The following C8orf34 variants were observed in gnomAD, a reference collection of about 807,000 sequenced individuals.
The protein encoded by C8orf34 is uncharacterized protein C8orf34.
C8orf34 carries 65 observed loss-of-function variants against 68.3 expected under a neutral mutation model. That is an observed-to-expected ratio of 0.95 (90% CI 0.78 to 1.17). C8orf34 has a LOEUF of 1.17. Ranked by LOEUF, C8orf34 falls within the 50% of genes most tolerant of loss-of-function variation. C8orf34 has a pLI of 0.00. For missense variants in C8orf34, 664 were observed against 655.4 expected (o/e 1.01, Z -0.14); for synonymous variants, 244 against 241.2 (o/e 1.01, Z -0.11).
chr8:68,457,841 T>C (rs1023986737), intron 3 of C8orf34, among the ~76,000 whole-genome samples: 4 of 152,192 alleles, frequency 2.6e-5, no homozygotes, highest in Non-Finnish European at 5.9e-5. Flanking sequence ...TGTTCTTCTA[T>C]TTTTCATTTT....
intron 4 of C8orf34, among the ~76,000 whole-genome samples, chr8:68,483,200 G>A (rs977716931): frequency 2.3e-4 from 35 of 152,200 alleles, no homozygotes; most frequent in African/African-American, 7.7e-4. Flanking sequence ...CTCTTATTTC[G>A]CTTATAGGAG....
At chr8:68,806,688 A>G (rs1434877480) in intron 12 of C8orf34, among the ~76,000 whole-genome samples, 2 of 152,202 alleles carry the variant, frequency 1.3e-5, no homozygotes, top group Non-Finnish European at 2.9e-5. Flanking sequence ...TTGGATGAGC[A>G]AAGTGCTTCT....
Position 68,603,601 on chromosome 8 carries a change from A to T in C8orf34, c.1106-36775A>T, listed in dbSNP as rs372183712. On this transcript the variant is annotated intron_variant, in intron 7 of 13. Coordinates refer to ENST00000518698, the MANE Select transcript of C8orf34 (RefSeq NM_052958.4). ...TGATCTGCTTACTGGTACATACAGC[A>T]TTATGGCTGAATCTCAGAATATTAA... Among the ~76,000 whole-genome samples, 12 of 145,504 alleles carry T rather than the reference A, an allele frequency of 8.2e-5. No individual in the cohort carries two copies. The South Asian group carries it at 2.4e-3, about 29-fold the overall frequency.
intron 5 of C8orf34, among the ~76,000 whole-genome samples, chr8:68,518,867 C>T (rs547071179): frequency 3.0e-5 from 4 of 133,262 alleles, no homozygotes; most frequent in African/African-American, 1.2e-4. Flanking sequence ...ACACTCCAGC[C>T]TGGCGACAGA....
chr8:68,790,896 G>A (rs1823976491), intron 12 of C8orf34: 1 of 699,944 alleles, frequency 1.4e-6, no homozygotes, highest in South Asian at 1.5e-5. Context: ...TATTCTAAAA[G>A]TTGAGAACTA....
intron 10 of C8orf34, among the ~76,000 whole-genome samples, chr8:68,767,026 A>C (rs1005255627): frequency 2.0e-5 from 3 of 152,284 alleles, no homozygotes; most frequent in Admixed American, 6.5e-5. Flanking sequence ...TCTACTAAAA[A>C]TACCAAAAAT....
At chr8:68,350,731 T>C (rs1367640897) in intron 1 of C8orf34, among the ~76,000 whole-genome samples, 1 of 152,068 alleles carries the variant, frequency 6.6e-6, no homozygotes, top group Non-Finnish European at 1.5e-5. Context: ...GAAATCTGTT[T>C]TGTCTGAAAT....
intron 3 of C8orf34, among the ~76,000 whole-genome samples, chr8:68,461,784 G>A (rs1431551345): frequency 6.6e-6 from 1 of 152,150 alleles, no homozygotes; most frequent in Non-Finnish European, 1.5e-5. Context: ...AAGAGCTCCT[G>A]AAGGAAGCAC....
intron 10 of C8orf34, among the ~76,000 whole-genome samples, chr8:68,770,545 A>G (rs902807155): frequency 3.3e-5 from 5 of 152,198 alleles, no homozygotes; most frequent in Admixed American, 6.5e-5. Context: ...TCTTACAGTT[A>G]CATTCTCTCC....
chr8:68,617,022 G>T (rs1012484887), intron 7 of C8orf34, among the ~76,000 whole-genome samples: 1 of 152,152 alleles, frequency 6.6e-6, no homozygotes, highest in African/African-American at 2.4e-5. Flanking sequence ...TTGTTGAATT[G>T]ATCTCTTTAC....
chr8:68,793,414 T>C (rs1824071829), intron 12 of C8orf34, among the ~76,000 whole-genome samples: 1 of 152,190 alleles, frequency 6.6e-6, no homozygotes, highest in Non-Finnish European at 1.5e-5. Context: ...GATTTTCAAG[T>C]ATTAAAAAAG....
intron 8 of C8orf34, among the ~76,000 whole-genome samples, chr8:68,689,640 G>A (rs1820629286): frequency 6.6e-6 from 1 of 151,936 alleles, no homozygotes; most frequent in Non-Finnish European, 1.5e-5. Context: ...TAAAAGGTGG[G>A]CCTCATCTAG....
At chr8:68,575,951 T>C (rs548037981) in intron 7 of C8orf34, among the ~76,000 whole-genome samples, 2 of 111,002 alleles carry the variant, frequency 1.8e-5, no homozygotes, top group African/African-American at 1.1e-4. Context: ...TGCTAGTAGA[T>C]GGTTGTTTTT....
chr8:68,578,125 A>G (rs767042114), intron 7 of C8orf34, among the ~76,000 whole-genome samples: 5 of 152,084 alleles, frequency 3.3e-5, no homozygotes, highest in African/African-American at 9.7e-5. Context: ...AGAGAAGGAA[A>G]GGAATAGGCA....
chr8:68,528,763 C>A (rs190047089), intron 6 of C8orf34, among the ~76,000 whole-genome samples: 2 of 152,190 alleles, frequency 1.3e-5, no homozygotes, highest in African/African-American at 4.8e-5. Flanking sequence ...TGCTCTCCCC[C>A]AATCTCCAAA....
At chr8:68,425,374 A>G (rs1810164710) in intron 1 of C8orf34, among the ~76,000 whole-genome samples, 1 of 152,228 alleles carries the variant, frequency 6.6e-6, no homozygotes, top group Non-Finnish European at 1.5e-5. Context: ...GATTGTCTAC[A>G]GAGATGATCC....
chr8:68,742,444 G>A (rs1822329156), intron 10 of C8orf34, among the ~76,000 whole-genome samples: 1 of 152,176 alleles, frequency 6.6e-6, no homozygotes, highest in South Asian at 2.1e-4. Flanking sequence ...CCATAAGCCT[G>A]TATTCATCTG....
intron 1 of C8orf34, among the ~76,000 whole-genome samples, chr8:68,423,574 C>T (rs1306189673): frequency 2.0e-5 from 3 of 152,188 alleles, no homozygotes; most frequent in Non-Finnish European, 4.4e-5. Flanking sequence ...AACATTCCCA[C>T]ATTTTCCTGT....
intron 3 of C8orf34, among the ~76,000 whole-genome samples, chr8:68,461,459 C>G (rs527794517): frequency 6.6e-6 from 1 of 152,058 alleles, no homozygotes; most frequent in Admixed American, 6.5e-5. Flanking sequence ...AGATATTCCT[C>G]GAGAAGAGCA....
Sources: allele counts gnomAD v4.1 joint callset (sites outside exome capture counted in the v4.1 genomes callset), GRCh38; gene constraint gnomAD v4.1.1; transcripts MANE v1.5; gene names NCBI Gene and HGNC (gene_info 2026-07-23, HGNC 2026-07-21).